CACNA1C: variants seen among roughly 807,000 people sequenced by gnomAD.
CACNA1C encodes the protein voltage-dependent L-type calcium channel subunit alpha-1C.
In CACNA1C, 30 loss-of-function variants were observed where a neutral mutation model predicts 229.0. That is an observed-to-expected ratio of 0.13 (90% confidence interval 0.10 to 0.18). The LOEUF is 0.18. CACNA1C is among the 10% of genes least tolerant of loss of function. The pLI, the probability that CACNA1C is intolerant of heterozygous loss-of-function variation, is 1.00. For missense variants in CACNA1C, 1,658 were observed against 2,845.0 expected (o/e 0.58, Z 9.49); for synonymous variants, 1,114 against 1,132.5 (o/e 0.98, Z 0.33).
chr12:2,580,078 G>C (rs1383149064), intron 13 of CACNA1C, among the ~76,000 whole-genome samples: 5 of 152,192 alleles, frequency 3.3e-5, no homozygotes, highest in African/African-American at 1.2e-4. Flanking sequence ...TTTATATAAG[G>C]ACAGAGTTGG....
intron 3 of CACNA1C, among the ~76,000 whole-genome samples, chr12:2,135,289 A>C (rs1233806175): frequency 2.1e-5 from 3 of 146,264 alleles, no homozygotes; most frequent in Non-Finnish European, 4.5e-5. Flanking sequence ...GATTGTCTGA[A>C]GCCTTCTTCT....
chr12:2,502,249 C>G (rs1406093904), intron 7 of CACNA1C, among the ~76,000 whole-genome samples: 1 of 152,234 alleles, frequency 6.6e-6, no homozygotes, highest in East Asian at 1.9e-4. Flanking sequence ...TAGCACATAT[C>G]AGGTTCACTC....
chr12:2,651,925 C>T lies in CACNA1C; in HGVS notation c.4074+157C>T, dbSNP rs571692929. Among the ~76,000 whole-genome samples the T allele has an allele frequency of 1.3e-5, 2 of 152,110 alleles. No individual in the cohort carries two copies. The highest frequency in any genetic ancestry group is 2.1e-4 in the South Asian group (1 of 4,808). ...TCTGCCTGGCTCCCTGTTTCCGCAC[C>T]GAGAGGCCTAGACGAAGCATGTGGT... On this transcript the variant is annotated intron_variant, in intron 32 of 46. Coordinates refer to ENST00000399655, the MANE Select transcript of CACNA1C (RefSeq NM_000719.7). The surrounding 1 kb of genome is among the most constrained non-coding windows in gnomAD (Gnocchi z 5.4).
intron 3 of CACNA1C, among the ~76,000 whole-genome samples, chr12:2,355,913 G>A (rs969913843): frequency 6.6e-6 from 1 of 152,152 alleles, no homozygotes; most frequent in Admixed American, 6.5e-5. Context: ...TGTCTGTTCA[G>A]CTCCTTCCTG....
intron 3 of CACNA1C, among the ~76,000 whole-genome samples, chr12:2,246,898 T>C (rs2073537740): frequency 6.6e-6 from 1 of 152,144 alleles, no homozygotes; most frequent in African/African-American, 2.4e-5. Context: ...GCTTCATGCA[T>C]AGCGGCTGCA....
At chr12:2,052,503 G>C (rs554558429), upstream of CACNA1C, among the ~76,000 whole-genome samples, 1 of 151,714 alleles carries the variant, frequency 6.6e-6, no homozygotes, top group Non-Finnish European at 1.5e-5. Flanking sequence ...GGCGTGGCCG[G>C]CCCAGCAGGG....
chr12:2,187,795 C>T (rs529955069), intron 3 of CACNA1C, among the ~76,000 whole-genome samples: 1 of 152,334 alleles, frequency 6.6e-6, no homozygotes, highest in Admixed American at 6.5e-5. Flanking sequence ...GCTCGGTGAC[C>T]CCTCCTGGTG....
chr12:2,450,552 T>TAA (rs2099358420), intron 4 of CACNA1C, among the ~76,000 whole-genome samples: 1 of 9,260 alleles, frequency 1.1e-4, no homozygotes, highest in East Asian at 4.8e-3. Flanking sequence ...AGACTCCATC[T>TAA]CAAAAAAAAA....
chr12:2,376,288 C>G (rs577367934), intron 3 of CACNA1C, among the ~76,000 whole-genome samples: 7 of 152,314 alleles, frequency 4.6e-5, no homozygotes, highest in African/African-American at 1.7e-4. Context: ...TTTGGGCAAG[C>G]CACTAAACTC....
intron 6 of CACNA1C, among the ~76,000 whole-genome samples, chr12:2,489,902 G>A (rs2099710907): frequency 6.6e-6 from 1 of 152,110 alleles, no homozygotes; most frequent in Admixed American, 6.5e-5. Context: ...CCCACTTCAT[G>A]TTCCCACTTT....
chr12:2,045,629 T>C (rs75513439), intron 1 of CACNA1C, among the ~76,000 whole-genome samples: 1,952 of 152,288 alleles, frequency 0.013, 21 homozygotes, highest in Non-Finnish European at 0.019. Flanking sequence ...AACTTCTGTA[T>C]TATAAGTGAA....
intron 3 of CACNA1C, among the ~76,000 whole-genome samples, chr12:2,362,319 G>A (rs933544041): frequency 1.3e-5 from 2 of 152,130 alleles, no homozygotes; most frequent in Non-Finnish European, 2.9e-5. Context: ...CCAAGCCTGT[G>A]TACAGTGCCA....
chr12:2,274,445 G>C (rs2086742076), intron 3 of CACNA1C, among the ~76,000 whole-genome samples: 1 of 152,216 alleles, frequency 6.6e-6, no homozygotes, highest in South Asian at 2.1e-4. Context: ...AACCAGGAAG[G>C]CTCCCAGGCA....
intron 3 of CACNA1C, among the ~76,000 whole-genome samples, chr12:2,428,206 C>A (rs2099051059): frequency 6.6e-6 from 1 of 152,166 alleles, no homozygotes; most frequent in Admixed American, 6.5e-5. Flanking sequence ...CCTGAAGGGA[C>A]CCCCAGCACA....
In CACNA1C at chr12:2,648,525, G is replaced by A. The variant is rs775246723; in HGVS notation, c.3945+18G>A. 2.0e-5 allele frequency: 32 copies of A among 1,613,006 alleles called. No individual in the cohort carries two copies. The highest frequency in any genetic ancestry group is 1.0e-4 in the Admixed American group (6 of 59,982). On this transcript the variant is annotated intron_variant, in intron 31 of 46. Coordinates refer to ENST00000399655, the MANE Select transcript of CACNA1C (RefSeq NM_000719.7). Reference sequence around the variant, plus strand: ...CCTCTATGGTAAGACCAACCCTCCCGACCATGCTCCCGGCTTCCGTGTCCC... The same window carrying A: ...CCTCTATGGTAAGACCAACCCTCCCAACCATGCTCCCGGCTTCCGTGTCCC...
chr12:2,256,778 C>G (rs542120782), intron 3 of CACNA1C, among the ~76,000 whole-genome samples: 40 of 152,266 alleles, frequency 2.6e-4, no homozygotes, highest in African/African-American at 9.4e-4. Context: ...TGGAAAAATT[C>G]AGGAGATTCA....
intron 3 of CACNA1C, among the ~76,000 whole-genome samples, chr12:2,153,603 A>C (rs2095405697): frequency 6.6e-6 from 1 of 152,188 alleles, no homozygotes; most frequent in South Asian, 2.1e-4. Flanking sequence ...GTTTTGGCTA[A>C]GTCATGGGAG....
intron 21 of CACNA1C, among the ~76,000 whole-genome samples, chr12:2,600,139 G>A (rs1409090056): frequency 6.6e-6 from 1 of 152,148 alleles, no homozygotes; most frequent in African/African-American, 2.4e-5. Context: ...GGAAGTACTG[G>A]GCTTTCTGCA....
intron 42 of CACNA1C, among the ~76,000 whole-genome samples, chr12:2,680,849 G>A (rs1040698936): frequency 1.3e-5 from 2 of 152,222 alleles, no homozygotes; most frequent in African/African-American, 2.4e-5. Flanking sequence ...CAGCACTGGG[G>A]GCATCCTTCA....
Sources: allele counts gnomAD v4.1 joint callset (sites outside exome capture counted in the v4.1 genomes callset), GRCh38; gene constraint gnomAD v4.1.1; non-coding constraint Gnocchi (gnomAD v3.1); transcripts MANE v1.5; gene names NCBI Gene and HGNC (gene_info 2026-07-23, HGNC 2026-07-21).